Variants in EMCN observed in about 807,000 individuals in gnomAD.
EMCN encodes endomucin.
Under a neutral mutation model 38.4 loss-of-function variants are expected in EMCN, and 37 were observed. The observed-to-expected ratio is 0.96, with a 90% CI of 0.74 to 1.27. The LOEUF is 1.27. EMCN is among the 50% of genes most tolerant of loss of function. The pLI is 0.00. For synonymous variants in EMCN, 95 were observed against 100.8 expected (o/e 0.94, Z 0.35); for missense variants, 318 against 302.8 (o/e 1.05, Z -0.37).
chr4:100,444,432 A>G (rs2651533), intron 5 of EMCN, among the ~76,000 whole-genome samples: 42,453 of 151,996 alleles, frequency 0.28, 7,523 homozygotes, highest in Non-Finnish European at 0.4. Flanking sequence ...TTACTGCTCT[A>G]GTGTAAGTCT....
At chr4:100,509,060 A>T (rs2110308857) in intron 1 of EMCN, among the ~76,000 whole-genome samples, 1 of 152,268 alleles carries the variant, frequency 6.6e-6, no homozygotes, top group East Asian at 1.9e-4. Context: ...AAGAAACAGA[A>T]TTCTCCAAAT....
At chr4:100,482,448 G>A (rs1358911204) in intron 1 of EMCN, among the ~76,000 whole-genome samples, 1 of 152,060 alleles carries the variant, frequency 6.6e-6, no homozygotes, top group Admixed American at 6.6e-5. Context: ...CTACTCTGCT[G>A]GCATGAATAA....
intron 5 of EMCN, among the ~76,000 whole-genome samples, chr4:100,433,496 CTATTTT>C (rs1031812502): frequency 1.3e-5 from 2 of 151,604 alleles, no homozygotes; most frequent in Non-Finnish European, 2.9e-5. Flanking sequence ...CTTGGTAGTT[CTATTTT>C]TAATTTCTTT....
rs535179452 is a variant in EMCN at position 100,471,287 on chromosome 4, A to G, written c.259+3751T>C. 3.6e-3 allele frequency among the ~76,000 whole-genome samples: 546 copies of G among 152,068 alleles called. 2 individuals carry two copies. The highest frequency in any genetic ancestry group is 5.7e-3 in the Non-Finnish European group (386 of 67,832). On this transcript the variant is annotated intron_variant, in intron 3 of 11. Transcript: ENST00000296420. ...CATTATTACCAACCTTACAGAAATT[A>G]GAAGGATTATAAGGCAATGCTGTGA...
At chr4:100,452,831 T>C (rs1349153373) in intron 4 of EMCN, among the ~76,000 whole-genome samples, 1 of 151,904 alleles carries the variant, frequency 6.6e-6, no homozygotes, top group Non-Finnish European at 1.5e-5. Flanking sequence ...AAAACAGAGA[T>C]ATAGACCAAT....
intron 1 of EMCN, among the ~76,000 whole-genome samples, chr4:100,485,635 T>C (rs1404682279): frequency 1.3e-5 from 2 of 151,788 alleles, no homozygotes; most frequent in Non-Finnish European, 1.5e-5. Context: ...CAAAAATAGA[T>C]ACAAATAAAA....
intron 1 of EMCN, among the ~76,000 whole-genome samples, chr4:100,516,865 C>G (rs1214565922): frequency 6.6e-6 from 1 of 151,024 alleles, no homozygotes; most frequent in Admixed American, 6.6e-5. Flanking sequence ...TGTTTTTTTC[C>G]CCCCAAGACC....
intron 5 of EMCN, among the ~76,000 whole-genome samples, chr4:100,440,866 A>G (rs532123604): frequency 5.9e-5 from 9 of 152,150 alleles, no homozygotes; most frequent in Admixed American, 6.5e-5. Flanking sequence ...CAGGCAGATC[A>G]TGAGGTCAGG....
At chr4:100,407,255 C>A (rs1051593429) in intron 11 of EMCN, among the ~76,000 whole-genome samples, 1 of 152,084 alleles carries the variant, frequency 6.6e-6, no homozygotes, top group Non-Finnish European at 1.5e-5. Context: ...TGGATTTGAT[C>A]CTGTCATTCT....
At chr4:100,423,476 A>C (rs551626296) in intron 5 of EMCN, 72 bp from the exon 6 acceptor site, 2 of 1,079,070 alleles carry the variant, frequency 1.9e-6, no homozygotes, top group African/African-American at 3.1e-5. Context: ...TTGCAGATTC[A>C]AACAGTTTGC....
At chr4:100,448,070 T>C (rs1727728213) in intron 4 of EMCN, among the ~76,000 whole-genome samples, 1 of 152,010 alleles carries the variant, frequency 6.6e-6, no homozygotes, top group South Asian at 2.1e-4. Context: ...CCATGTGTTG[T>C]AATCCTACTA....
chr4:100,465,276 CT>C, intron 4 of EMCN, 146 bp downstream of exon 4: 1 of 475,602 alleles, frequency 2.1e-6, no homozygotes, highest in Non-Finnish European at 3.8e-6. Context: ...AAAGATGAGG[CT>C]GCCAAATGAT....
chr4:100,480,894 A>G (rs898404852), intron 1 of EMCN, among the ~76,000 whole-genome samples: 2 of 152,076 alleles, frequency 1.3e-5, no homozygotes, highest in African/African-American at 2.4e-5. Context: ...TTCAAAGTGA[A>G]GTATGTAAGA....
At chr4:100,470,378 T>A (rs1426339903) in intron 3 of EMCN, among the ~76,000 whole-genome samples, 2 of 145,646 alleles carry the variant, frequency 1.4e-5, no homozygotes, top group Non-Finnish European at 1.5e-5. Flanking sequence ...ACTAAAATGT[T>A]AAAAAAAAAA....
intron 1 of EMCN, among the ~76,000 whole-genome samples, chr4:100,507,304 C>G (rs536355483): frequency 6.6e-6 from 1 of 152,146 alleles, no homozygotes; most frequent in African/African-American, 2.4e-5. Flanking sequence ...GATTTCAGCA[C>G]TTTGACTAAT....
intron 2 of EMCN, 46 bp from the exon 3 acceptor site, chr4:100,475,155 G>T: frequency 1.0e-6 from 1 of 975,110 alleles, no homozygotes; most frequent in Non-Finnish European, 1.5e-6. Context: ...ATAATCTCAT[G>T]TTATCTGTCA....
chr4:100,492,435 G>A (rs1316777421), intron 1 of EMCN, among the ~76,000 whole-genome samples: 1 of 151,936 alleles, frequency 6.6e-6, no homozygotes, highest in Non-Finnish European at 1.5e-5. Context: ...ACACATAATG[G>A]GAATTTAAGA....
At position 100,395,396 on chromosome 4, in the gene EMCN, G is replaced by A. The variant is rs1726096626; in HGVS notation, c.*3017C>T. ...TTTATTGGAAAATGAGAAGTCCTGT[G>A]TGTGCAGAGAAATTTTAAAGAAAAG... On this transcript the variant is annotated 3_prime_UTR_variant, in exon 12 of 12. Transcript: ENST00000296420. 6.6e-6 allele frequency: 1 copy of A among 152,118 alleles called. No individual in the cohort carries two copies. The highest frequency in any genetic ancestry group is 1.5e-5 in the Non-Finnish European group (1 of 68,020). 9.4% of individuals were successfully genotyped at this position (152,118 alleles called of 1,614,324 possible).
chr4:100,491,481 C>T (rs1437012887), intron 1 of EMCN, among the ~76,000 whole-genome samples: 1 of 152,138 alleles, frequency 6.6e-6, no homozygotes, highest in Non-Finnish European at 1.5e-5. Flanking sequence ...TTCAGCCAAA[C>T]CTAAAAGCCC....
Sources: gnomAD v4.1 joint callset for allele counts (sites outside exome capture counted in the v4.1 genomes callset) on GRCh38, gnomAD v4.1.1 for gene constraint, MANE v1.5 for transcripts, NCBI Gene and HGNC (gene_info 2026-07-23, HGNC 2026-07-21) for gene names.